CDK12: variants seen among roughly 807,000 people sequenced by gnomAD.
CDK12 encodes cyclin-dependent kinase 12.
In CDK12, 17 loss-of-function variants were observed where a neutral mutation model predicts 133.8. That is an observed-to-expected ratio of 0.13 (90% CI 0.09 to 0.19). CDK12 has a LOEUF of 0.19. CDK12 is among the 10% of genes least tolerant of loss of function. CDK12 has a pLI of 1.00. For missense variants in CDK12, 1,508 were observed against 1,818.7 expected, an observed-to-expected ratio of 0.83 and a Z score of 3.11; for synonymous variants, 694 against 683.6, an observed-to-expected ratio of 1.02 and a Z score of -0.24.
chr17:39,462,369 C>A lies in CDK12; in HGVS notation c.298C>A (p.Arg100Ser). Reference sequence around the variant, plus strand: ...AGACCGAAGGGAGAACGACGAACGTCGTGGATCAGATCGGAGCGACCGCCT... The same window carrying A: ...AGACCGAAGGGAGAACGACGAACGTAGTGGATCAGATCGGAGCGACCGCCT... ...KLDRRENDER[R>S]GSDRSDRLHK... The change falls in exon 1 of 14, where the codon CGT (arginine) becomes AGT (serine). Residue 100 changes from arginine (R) to serine (S), a missense_variant. Physicochemically the swap from Arg to Ser is moderately radical, Grantham distance 110. This residue lies in a region of CDK12 where 460 missense variants were observed against 490.8 expected (regional missense o/e 0.94). Coordinates refer to ENST00000447079, the MANE Select transcript of CDK12 (RefSeq NM_016507.4). 1 of 1,614,184 alleles carries A rather than the reference C, an allele frequency of 6.2e-7. No individual in the cohort carries two copies.
At chr17:39,467,124 G>A (rs1051165240) in intron 1 of CDK12, among the ~76,000 whole-genome samples, 3 of 151,662 alleles carry the variant, frequency 2.0e-5, no homozygotes, top group East Asian at 1.9e-4. Flanking sequence ...GACTACAGGC[G>A]CGCGTCACCA....
At chr17:39,513,483 A>G (rs914923137) in intron 8 of CDK12, among the ~76,000 whole-genome samples, 11 of 152,200 alleles carry the variant, frequency 7.2e-5, no homozygotes, top group African/African-American at 2.7e-4. Context: ...TTTGTTCTGG[A>G]CAATTTGCTT....
At chr17:39,513,942 C>G (rs536840804) in intron 8 of CDK12, among the ~76,000 whole-genome samples, 4 of 152,184 alleles carry the variant, frequency 2.6e-5, no homozygotes, top group South Asian at 2.1e-4. Flanking sequence ...GTCTGAAAAC[C>G]TAGTGGTTTT....
chr17:39,529,707 A>G (rs893151368), intron 13 of CDK12, among the ~76,000 whole-genome samples: 1 of 152,248 alleles, frequency 6.6e-6, no homozygotes, highest in African/African-American at 2.4e-5. Flanking sequence ...GAAAAAAGAA[A>G]GTCTGGTGGA....
rs2054906951 is a variant in CDK12 at position 39,532,200 on chromosome 17, A to G, written c.*884A>G. ...TCTTTGAGGCATTTGTTTGGAAAAA[A>G]TCGTTGAGATGCCCAAGAACCTGGG... On this transcript the variant is annotated 3_prime_UTR_variant, in exon 14 of 14. Transcript: ENST00000447079. 1 of 232,454 alleles carries G rather than the reference A, an allele frequency of 4.3e-6. No homozygotes were observed. The highest frequency in any genetic ancestry group is 6.0e-5 in the East Asian group (1 of 16,674). The allele number at this position is 232,454 out of a possible 1,614,324, so 14.4% of individuals were successfully genotyped here.
chr17:39,484,677 A>C (rs2050974333), intron 2 of CDK12, among the ~76,000 whole-genome samples: 1 of 152,176 alleles, frequency 6.6e-6, no homozygotes, highest in African/African-American at 2.4e-5. Context: ...GTAATATTTT[A>C]GAAGCAGTAT....
intron 11 of CDK12, 127 bp from the exon 12 acceptor site, chr17:39,524,546 GT>G: frequency 1.3e-6 from 1 of 754,432 alleles, no homozygotes. Context: ...AACTTTTTTG[GT>G]TATTTTTGTT....
chr17:39,472,037 G>A (rs1032689222), intron 2 of CDK12, among the ~76,000 whole-genome samples: 2 of 152,082 alleles, frequency 1.3e-5, no homozygotes, highest in Admixed American at 1.3e-4. Context: ...AGGCTGTAAT[G>A]CAGTGGCGTC....
At chr17:39,497,207 C>G (rs2052198318) in intron 5 of CDK12, among the ~76,000 whole-genome samples, 1 of 152,136 alleles carries the variant, frequency 6.6e-6, no homozygotes. Flanking sequence ...GCTGGAATTA[C>G]AAGTGTGAGC....
intron 1 of CDK12, among the ~76,000 whole-genome samples, chr17:39,467,254 G>C (rs957056984): frequency 1.3e-5 from 2 of 152,130 alleles, no homozygotes; most frequent in Non-Finnish European, 2.9e-5. Flanking sequence ...TGGGATTACA[G>C]GCATGAGCCA....
chr17:39,472,653 G>A (rs562056411), intron 2 of CDK12, among the ~76,000 whole-genome samples: 3 of 152,196 alleles, frequency 2.0e-5, no homozygotes, highest in South Asian at 4.1e-4. Flanking sequence ...TTGCTCTGTG[G>A]ATATCATGAC....
At chr17:39,552,485 G>A (rs1363382498) in intron 2 of CDK12, among the ~76,000 whole-genome samples, 1 of 152,204 alleles carries the variant, frequency 6.6e-6, no homozygotes, top group African/African-American at 2.4e-5. Flanking sequence ...CAGAGCTGCT[G>A]TTTCTACTCT....
intron 2 of CDK12, among the ~76,000 whole-genome samples, chr17:39,481,638 C>T (rs1384755160): frequency 1.9e-4 from 1 of 5,226 alleles, no homozygotes; most frequent in Non-Finnish European, 4.8e-4. Context: ...CGCGCGCTCT[C>T]TCTCTCTCTC....
intron 1 of CDK12, among the ~76,000 whole-genome samples, chr17:39,468,243 A>G (rs184881204): frequency 4.1e-4 from 63 of 152,252 alleles, no homozygotes; most frequent in Middle Eastern, 6.8e-3. Context: ...CAAACTTGCA[A>G]GAAGCAGTAT....
At chr17:39,507,505 G>C (rs1055844015) in intron 6 of CDK12, among the ~76,000 whole-genome samples, 1 of 151,712 alleles carries the variant, frequency 6.6e-6, no homozygotes, top group Non-Finnish European at 1.5e-5. Flanking sequence ...AGTGAGCCGA[G>C]ATAGCGCCAT....
At chr17:39,542,654 G>A (rs1279396512) in intron 1 of CDK12, among the ~76,000 whole-genome samples, 2 of 151,596 alleles carry the variant, frequency 1.3e-5, no homozygotes, top group Non-Finnish European at 2.9e-5. Flanking sequence ...GGGATTACAG[G>A]CATGTGCCAC....
chr17:39,470,837 A>G (rs373258085), intron 1 of CDK12, 42 bp from the exon 2 acceptor site: 1 of 1,492,504 alleles, frequency 6.7e-7, no homozygotes, highest in Non-Finnish European at 9.1e-7. Flanking sequence ...TCCATATACT[A>G]CTGTAGTCCA....
rs2053508415 is a variant in CDK12 at position 39,511,554 on chromosome 17, A to G, written c.2692A>G (p.Thr898Ala). The stretch of plus-strand genomic sequence containing the variant: ...TCGCCCTTACACAAACAAAGTCATT[A>G]CTTTGTGGTACCGACCTCCAGAACT... Reference protein sequence around the residue: ...ESRPYTNKVITLWYRPPELLL... With the variant: ...ESRPYTNKVIALWYRPPELLL... The change falls in exon 8 of 14, where the codon ACT becomes GCT. Residue 898 changes from threonine (T) to alanine (A), a missense_variant. This residue lies in a region of CDK12 where 82 missense variants were observed against 201.5 expected (regional missense o/e 0.41). Coordinates refer to ENST00000447079, the MANE Select transcript of CDK12 (RefSeq NM_016507.4). The G allele has an allele frequency of 6.2e-7, 1 of 1,611,198 alleles. No homozygotes were observed. The highest frequency in any genetic ancestry group is 1.3e-5 in the African/African-American group (1 of 74,890).
At chr17:39,535,103 A>G (rs983974756), downstream of CDK12, 2 of 152,176 alleles carry the variant, frequency 1.3e-5, no homozygotes, top group African/African-American at 4.8e-5. Flanking sequence ...TGTTTCCAAA[A>G]TCTTTCCCAT....
Sources: allele counts gnomAD v4.1 joint callset (sites outside exome capture counted in the v4.1 genomes callset), GRCh38; gene constraint gnomAD v4.1.1; regional missense constraint gnomAD v4.1.1; transcripts MANE v1.5; gene names NCBI Gene and HGNC (gene_info 2026-07-23, HGNC 2026-07-21).